The following YES1 variants were observed in gnomAD, a reference collection of about 807,000 sequenced individuals.
YES1 encodes YES proto-oncogene 1, Src family tyrosine kinase.
In YES1, 39 loss-of-function variants were observed where a neutral mutation model predicts 70.4. That is an observed-to-expected ratio of 0.55 (90% CI 0.43 to 0.72). YES1 has a LOEUF of 0.72. YES1 is among the 30% of genes least tolerant of loss of function. The probability of loss-of-function intolerance (pLI) is 0.00; values close to 1 mark genes in which losing one functional copy is unlikely to be tolerated. For missense variants in YES1, 495 were observed against 644.8 expected, an observed-to-expected ratio of 0.77 and a Z score of 2.52; for synonymous variants, 198 against 218.6, an observed-to-expected ratio of 0.91 and a Z score of 0.83.
intron 1 of YES1, among the ~76,000 whole-genome samples, chr18:768,715 A>G (rs1158061469): frequency 1.3e-5 from 2 of 151,318 alleles, no homozygotes; most frequent in African/African-American, 4.9e-5. Context: ...TTATTTATTT[A>G]TTTTTGAGAC....
intron 10 of YES1, among the ~76,000 whole-genome samples, chr18:733,640 G>C (rs902582683): frequency 2.0e-5 from 3 of 151,978 alleles, no homozygotes; most frequent in Non-Finnish European, 2.9e-5. Context: ...AAAATTAGCT[G>C]GGCGAGGTGG....
chr18:752,769 C>G (rs192817876), intron 2 of YES1, among the ~76,000 whole-genome samples: 1 of 152,118 alleles, frequency 6.6e-6, no homozygotes, highest in East Asian at 1.9e-4. Flanking sequence ...AGGGCGAAAC[C>G]CTGTCTGTAC....
intron 1 of YES1, among the ~76,000 whole-genome samples, chr18:789,867 C>G (rs1906152602): frequency 6.6e-6 from 1 of 151,698 alleles, no homozygotes; most frequent in Non-Finnish European, 1.5e-5. Context: ...TGAGACCAGT[C>G]TGATCAACGT....
intron 11 of YES1, among the ~76,000 whole-genome samples, chr18:732,472 CACT>C (rs2080104260): frequency 7.0e-6 from 1 of 142,496 alleles, no homozygotes; most frequent in Non-Finnish European, 1.5e-5. Context: ...ACACCAATCA[CACT>C]ACTGGGAAAG....
intron 1 of YES1, among the ~76,000 whole-genome samples, chr18:771,527 T>C (rs1227673284): frequency 2.0e-5 from 3 of 152,242 alleles, no homozygotes; most frequent in Non-Finnish European, 4.4e-5. Flanking sequence ...AACCACTCCG[T>C]GGCATTTTTC....
intron 1 of YES1, among the ~76,000 whole-genome samples, chr18:768,365 G>A (rs1352546767): frequency 2.6e-5 from 4 of 152,294 alleles, no homozygotes; most frequent in East Asian, 1.9e-4. Flanking sequence ...TCAATCTGGG[G>A]AGAAATGATA....
At chr18:774,899 C>T (rs187800959) in intron 1 of YES1, among the ~76,000 whole-genome samples, 17 of 152,318 alleles carry the variant, frequency 1.1e-4, no homozygotes, top group Admixed American at 9.2e-4. Context: ...ACTCCTACTA[C>T]TGTGCCCCAA....
intron 1 of YES1, among the ~76,000 whole-genome samples, chr18:762,137 G>C (rs920299396): frequency 2.0e-5 from 3 of 152,132 alleles, no homozygotes. Context: ...CCTGACCAAT[G>C]TGGAGAAACC....
At chr18:728,346 T>C (rs1351112082) in intron 11 of YES1, among the ~76,000 whole-genome samples, 1 of 151,978 alleles carries the variant, frequency 6.6e-6, no homozygotes, top group African/African-American at 2.4e-5. Context: ...TTCATTTATG[T>C]TTCATATACA....
intron 1 of YES1, among the ~76,000 whole-genome samples, chr18:807,277 T>C (rs1907146537): frequency 6.7e-6 from 1 of 149,376 alleles, no homozygotes; most frequent in Non-Finnish European, 1.5e-5. Context: ...GAGGTTGCAG[T>C]GAGCCAAGAT....
chr18:725,981 T>A (rs1240409919), intron 11 of YES1, among the ~76,000 whole-genome samples: 1 of 152,212 alleles, frequency 6.6e-6, no homozygotes, highest in African/African-American at 2.4e-5. Flanking sequence ...GAATTAATAT[T>A]CAGTGAGGGC....
intron 1 of YES1, among the ~76,000 whole-genome samples, chr18:767,846 G>A (rs1483384994): frequency 9.9e-5 from 15 of 152,118 alleles, no homozygotes; most frequent in African/African-American, 2.7e-4. Flanking sequence ...GATTACAGAC[G>A]TGCACCACAA....
intron 1 of YES1, among the ~76,000 whole-genome samples, chr18:779,616 A>AAG (rs1224021956): frequency 2.6e-5 from 4 of 152,152 alleles, no homozygotes; most frequent in Admixed American, 1.3e-4. Flanking sequence ...TGTTGGCAGA[A>AAG]AGGCACCTAT....
At chr18:776,057 A>T (rs1057334187) in intron 1 of YES1, among the ~76,000 whole-genome samples, 7 of 152,194 alleles carry the variant, frequency 4.6e-5, no homozygotes, top group African/African-American at 1.7e-4. Flanking sequence ...ATTCTACTGG[A>T]TGTAACCTTG....
At chr18:738,948 T>G (rs372227610) in intron 9 of YES1, 1 of 152,042 alleles carries the variant, frequency 6.6e-6, no homozygotes, top group African/African-American at 2.4e-5. Context: ...CTCAGCCTCC[T>G]GAGTAGCTGG....
chr18:791,979 C>T (rs548768084), intron 1 of YES1, among the ~76,000 whole-genome samples: 1 of 152,104 alleles, frequency 6.6e-6, no homozygotes, highest in African/African-American at 2.4e-5. Flanking sequence ...ACTTACAGTA[C>T]ATCTCAATTT....
intron 1 of YES1, among the ~76,000 whole-genome samples, chr18:762,992 GC>G (rs1329444874): frequency 9.2e-5 from 14 of 152,304 alleles, no homozygotes; most frequent in Admixed American, 3.9e-4. Flanking sequence ...AAAAAGTTTT[GC>G]AAAGGAAGTG....
At chr18:767,947 C>T (rs755649830) in intron 1 of YES1, among the ~76,000 whole-genome samples, 35 of 151,944 alleles carry the variant, frequency 2.3e-4, no homozygotes, top group Non-Finnish European at 4.6e-4. Context: ...GTGATCCAAC[C>T]GCCTCGGCCT....
chr18:808,497 A>G (rs964659881), intron 1 of YES1, among the ~76,000 whole-genome samples: 1 of 152,238 alleles, frequency 6.6e-6, no homozygotes, highest in Non-Finnish European at 1.5e-5. Flanking sequence ...TTTAAAGAAA[A>G]GCAGTTGTGC....
Sources: allele counts gnomAD v4.1 joint callset (sites outside exome capture counted in the v4.1 genomes callset), GRCh38; gene constraint gnomAD v4.1.1; transcripts MANE v1.5; gene names NCBI Gene and HGNC (gene_info 2026-07-23, HGNC 2026-07-21).